KDELR2: variants seen among roughly 807,000 people sequenced by gnomAD.
KDELR2 encodes the protein ER lumen protein-retaining receptor 2.
Under a neutral mutation model 23.9 loss-of-function variants are expected in KDELR2, and 15 were observed. The ratio of observed to expected loss-of-function variants is 0.63; its 90% CI spans 0.42 to 0.97. The LOEUF is 0.97. KDELR2 is among the 50% of genes least tolerant of loss of function. The pLI, the probability that KDELR2 is intolerant of heterozygous loss-of-function variation, is 0.00. For missense variants in KDELR2, 272 were observed against 254.6 expected, an observed-to-expected ratio of 1.07 and a Z score of -0.46; for synonymous variants, 119 against 106.2, an observed-to-expected ratio of 1.12 and a Z score of -0.74.
In KDELR2 at chr7:6,462,256, T is replaced by C. The variant is rs1263789485; in HGVS notation, c.*885A>G. ...ATGGAAAACTGTTTGAATCTGAGCA[T>C]GGACATGGTTGTAGTCATCTTTTGG... is the stretch of plus-strand genomic sequence containing the variant. On this transcript the variant is annotated 3_prime_UTR_variant, in exon 5 of 5. Transcript: ENST00000258739. 1.3e-5 allele frequency: 2 copies of C among 152,208 alleles called. No homozygotes were observed. 9.4% of individuals were successfully genotyped at this position (152,208 alleles called of 1,614,324 possible). A position where few individuals can be genotyped will look rare whatever the true frequency, so the allele number is the denominator to read the frequency against.
At chr7:6,467,289 C>A (rs1206100268) in intron 3 of KDELR2, among the ~76,000 whole-genome samples, 1 of 152,206 alleles carries the variant, frequency 6.6e-6, no homozygotes, top group Admixed American at 6.5e-5. Context: ...TCCTCACTGA[C>A]TGATCTTGCC....
chr7:6,481,634 C>T (rs942895531), intron 1 of KDELR2, among the ~76,000 whole-genome samples: 3 of 152,074 alleles, frequency 2.0e-5, no homozygotes, highest in Admixed American at 1.3e-4. Context: ...GAGGGAGGAT[C>T]GCTTGAGCCC....
chr7:6,478,466 T>G (rs1457109508), intron 1 of KDELR2, among the ~76,000 whole-genome samples: 2 of 152,180 alleles, frequency 1.3e-5, no homozygotes, highest in South Asian at 4.1e-4. Context: ...TCCTAACTCC[T>G]AGCAAGACTA....
intron 1 of KDELR2, among the ~76,000 whole-genome samples, chr7:6,478,665 A>G (rs1047354898): frequency 2.0e-5 from 3 of 152,178 alleles, no homozygotes; most frequent in Non-Finnish European, 4.4e-5. Context: ...TGAATTAAGA[A>G]ATCAATTTGG....
chr7:6,464,773 T>C (rs1460096928), intron 4 of KDELR2, among the ~76,000 whole-genome samples: 1 of 150,324 alleles, frequency 6.7e-6, no homozygotes, highest in African/African-American at 2.4e-5. Flanking sequence ...TTTGCTCTTG[T>C]TCCCTAGGCT....
intron 1 of KDELR2, among the ~76,000 whole-genome samples, chr7:6,479,346 G>T (rs1222241403): frequency 6.6e-6 from 1 of 151,840 alleles, no homozygotes; most frequent in South Asian, 2.1e-4. Flanking sequence ...GTAGAGACAG[G>T]GTTTCACCAT....
At chr7:6,474,349 T>C (rs1221999609) in intron 1 of KDELR2, 65 bp from the exon 2 acceptor site, 1 of 1,132,576 alleles carries the variant, frequency 8.8e-7, no homozygotes, top group South Asian at 1.2e-5. Context: ...TGGATCACAC[T>C]GTGCAGGGAG....
intron 4 of KDELR2, 127 bp downstream of exon 4, chr7:6,465,944 G>T: frequency 1.1e-6 from 1 of 940,384 alleles, no homozygotes; most frequent in Non-Finnish European, 1.6e-6. Context: ...GAATGTTATT[G>T]GCCAATCATG....
intron 4 of KDELR2, among the ~76,000 whole-genome samples, chr7:6,464,417 G>A (rs1428842306): frequency 1.3e-5 from 2 of 151,982 alleles, no homozygotes; most frequent in East Asian, 3.9e-4. Context: ...TACTAGGGTG[G>A]TCAAGGCACG....
chr7:6,483,455 G>C (rs952133540), intron 1 of KDELR2, among the ~76,000 whole-genome samples: 2 of 152,166 alleles, frequency 1.3e-5, no homozygotes, highest in African/African-American at 2.4e-5. Context: ...GGGCAGGGTG[G>C]GGAGCCGAGT....
chr7:6,483,190 G>A (rs1785943415), intron 1 of KDELR2, among the ~76,000 whole-genome samples: 2 of 152,148 alleles, frequency 1.3e-5, no homozygotes, highest in African/African-American at 2.4e-5. Flanking sequence ...ACGAATTGCA[G>A]GAGCCCATAG....
chr7:6,483,870 C>G, intron 1 of KDELR2, 97 bp downstream of exon 1: 1 of 993,672 alleles, frequency 1.0e-6, no homozygotes, highest in Non-Finnish European at 1.3e-6. Flanking sequence ...CGGGCCGGCG[C>G]AGGCCCCGCG....
intron 4 of KDELR2, among the ~76,000 whole-genome samples, 168 bp downstream of exon 4, chr7:6,465,902 TC>T (rs2115322910): frequency 6.6e-6 from 1 of 152,212 alleles, no homozygotes; most frequent in Admixed American, 6.5e-5. Context: ...GAAAAAGGGT[TC>T]TTATATTTAA....
intron 4 of KDELR2, among the ~76,000 whole-genome samples, chr7:6,464,111 C>A (rs1205506388): frequency 7.1e-6 from 1 of 141,644 alleles, no homozygotes; most frequent in Non-Finnish European, 1.5e-5. Flanking sequence ...GCAGGAGAAT[C>A]GCTTGAACAC....
rs1394819271 is a variant in KDELR2 at position 6,466,289 on chromosome 7, A to G, written c.386T>C (p.Val129Ala). 1.2e-6 allele frequency: 2 copies of G among 1,614,070 alleles called. No individual in the cohort carries two copies. The highest frequency in any genetic ancestry group is 1.7e-6 in the Non-Finnish European group (2 of 1,179,998). Residue 129 changes from valine (V) to alanine (A), a missense_variant, in exon 4 of 5, where the codon GTG becomes GCG. Physicochemically the swap from Val to Ala is moderately conservative, Grantham distance 64. Coordinates refer to ENST00000258739, the MANE Select transcript of KDELR2 (RefSeq NM_006854.4). The part of the protein sequence containing the change: ...LWTFSIYLES[V>A]AILPQLFMIS... ...CATAAATAGCTGCGGAAGGATAGCCACGGACTCCAGGTAGATGGAGAAGGT... is the reference window on the plus strand; with the variant it reads ...CATAAATAGCTGCGGAAGGATAGCCGCGGACTCCAGGTAGATGGAGAAGGT...
In KDELR2 at chr7:6,462,813, T is replaced by TA. The variant is rs201977312; in HGVS notation, c.*327dup. 1,465 of 560,854 alleles carry TA rather than the reference T, an allele frequency of 2.6e-3. No homozygotes were observed. The highest frequency in any genetic ancestry group is 3.3e-3 in the South Asian group (108 of 33,120). The allele number at this position is 560,854 out of a possible 1,614,324, so 34.7% of individuals were successfully genotyped here. A position where few individuals can be genotyped will look rare whatever the true frequency, so the allele number is the denominator to read the frequency against. On this transcript the variant is annotated 3_prime_UTR_variant, in exon 5 of 5. Coordinates refer to ENST00000258739, the MANE Select transcript of KDELR2 (RefSeq NM_006854.4). ...AAGAGTTTCAAAGAATTTTTTAAAA[T>TA]AAAAAAAAAATTTGCACTTATTCCT... is the stretch of plus-strand genomic sequence containing the variant.
intron 1 of KDELR2, among the ~76,000 whole-genome samples, chr7:6,481,088 C>T (rs761334569): frequency 2.6e-5 from 4 of 151,990 alleles, no homozygotes; most frequent in South Asian, 2.1e-4. Context: ...AAAAAACAAA[C>T]GGCCAGGCGC....
rs1278929725 is a variant in KDELR2, at chr7:6,462,467, G to A, written c.*674C>T. ...CTGACACTTCCCAGCAGGGGAGGAG[G>A]GCAGGCACCTTTGGTGACTCTTCAG... is the stretch of plus-strand genomic sequence containing the variant. On this transcript the variant is annotated 3_prime_UTR_variant, in exon 5 of 5. Coordinates refer to ENST00000258739, the MANE Select transcript of KDELR2 (RefSeq NM_006854.4). 6.4e-6 allele frequency: 1 copy of A among 156,556 alleles called. No homozygotes were observed. The highest frequency in any genetic ancestry group is 1.9e-4 in the East Asian group (1 of 5,294). The allele number at this position is 156,556 out of a possible 1,614,324, so 9.7% of individuals were successfully genotyped here.
At chr7:6,473,091 T>A (rs963812991) in intron 2 of KDELR2, among the ~76,000 whole-genome samples, 1 of 144,278 alleles carries the variant, frequency 6.9e-6, no homozygotes, top group African/African-American at 2.6e-5. Flanking sequence ...TATTTTTTTT[T>A]TTTTTTTTTT....
Sources: allele counts gnomAD v4.1 joint callset (sites outside exome capture counted in the v4.1 genomes callset), GRCh38; gene constraint gnomAD v4.1.1; transcripts MANE v1.5; gene names NCBI Gene and HGNC (gene_info 2026-07-23, HGNC 2026-07-21).